Variants in CEP295 observed in about 807,000 individuals in gnomAD.
The protein encoded by CEP295 is centrosomal protein of 295 kDa.
In CEP295, 190 loss-of-function variants were observed where a neutral mutation model predicts 291.6. The ratio of observed to expected loss-of-function variants is 0.65; its 90% confidence interval spans 0.58 to 0.73. CEP295 has a LOEUF of 0.73. Among genes scored for constraint, CEP295 ranks in the 30% least tolerant of loss-of-function variants. The pLI, the probability that CEP295 is intolerant of heterozygous loss-of-function variation, is 0.00. For synonymous variants in CEP295, 993 were observed against 1,038.8 expected, an observed-to-expected ratio of 0.96 and a Z score of 0.85; for missense variants, 2,863 against 2,949.4, an observed-to-expected ratio of 0.97 and a Z score of 0.68.
chr11:93,688,160 G>A (rs1014976608), intron 10 of CEP295, among the ~76,000 whole-genome samples: 3 of 152,104 alleles, frequency 2.0e-5, no homozygotes, highest in Non-Finnish European at 4.4e-5. Flanking sequence ...TTGTGCTACA[G>A]TGGGCATCCT....
chr11:93,692,131 G>T, intron 12 of CEP295, 101 bp downstream of exon 12: 1 of 655,416 alleles, frequency 1.5e-6, no homozygotes, highest in South Asian at 2.0e-5. Flanking sequence ...GGCTAATTTT[G>T]ATATCATGTT....
At chr11:93,663,032 C>A (rs1950056140) in intron 1 of CEP295, among the ~76,000 whole-genome samples, 1 of 152,166 alleles carries the variant, frequency 6.6e-6, no homozygotes, top group Non-Finnish European at 1.5e-5. Flanking sequence ...CCAGTATTTT[C>A]AAAAATGACA....
chr11:93,706,061 C>A (rs1233584206), intron 17 of CEP295, among the ~76,000 whole-genome samples: 2 of 152,090 alleles, frequency 1.3e-5, no homozygotes, highest in African/African-American at 2.4e-5. Flanking sequence ...TCCCCTGGAC[C>A]CCAGAGTGTA....
intron 18 of CEP295, among the ~76,000 whole-genome samples, chr11:93,717,695 A>G (rs1046891336): frequency 1.3e-5 from 2 of 152,042 alleles, no homozygotes; most frequent in African/African-American, 2.4e-5. Flanking sequence ...GACAATATTC[A>G]TGGTTTTGTC....
At chr11:93,668,587 G>T (rs1950292582) in intron 3 of CEP295, among the ~76,000 whole-genome samples, 1 of 151,940 alleles carries the variant, frequency 6.6e-6, no homozygotes, top group Non-Finnish European at 1.5e-5. Context: ...TTATATTTTT[G>T]TAATAATGTT....
chr11:93,721,982 C>T lies in CEP295; in HGVS notation c.5879C>T (p.Ser1960Phe). Residue 1960 changes from serine to phenylalanine, a missense_variant, in exon 20 of 30, where the codon TCT becomes TTT. Coordinates refer to ENST00000325212, the MANE Select transcript of CEP295 (RefSeq NM_033395.2). ...AAAACACTGTCTTATGAACCATTAT[C>T]TTCAGCAACTGTTTCCACTGGGAGC... ...KAKTLSYEPLSSATVSTGSLL... is the reference protein window; with the variant it reads ...KAKTLSYEPLFSATVSTGSLL... 6.3e-7 allele frequency: 1 copy of T among 1,597,986 alleles called. No individual in the cohort carries two copies.
In CEP295 at chr11:93,702,563, A is replaced by G. The variant is rs1200921338; in HGVS notation, c.5378A>G (p.Asn1793Ser). 6.4e-7 allele frequency: 1 copy of G among 1,551,444 alleles called. No individual in the cohort carries two copies. The highest frequency in any genetic ancestry group is 8.7e-7 in the Non-Finnish European group (1 of 1,146,894). The change falls in exon 16 of 30, where the codon AAT becomes AGT. Residue 1793 changes from asparagine (N) to serine (S), a missense_variant. Asn to Ser is a conservative substitution (Grantham distance 46). Around this residue, in one of 3 missense-constraint regions of CEP295, gnomAD observed 2,295 missense variants for 2,335.7 expected, o/e 0.98. Coordinates refer to ENST00000325212, the MANE Select transcript of CEP295 (RefSeq NM_033395.2). ...TQDLAGNDQE[N>S]IRHADRNNSD... is the part of the protein sequence containing the mutation. ...GACCTAGCAGGAAATGATCAAGAAA[A>G]TATTAGGCATGCAGATAGGAACAAC... is the stretch of plus-strand genomic sequence containing the variant.
At chr11:93,685,659 C>T (rs1341875676) in intron 9 of CEP295, among the ~76,000 whole-genome samples, 2 of 152,154 alleles carry the variant, frequency 1.3e-5, no homozygotes, top group African/African-American at 2.4e-5. Context: ...TCATTTCTGT[C>T]CTCTGCAGAA....
intron 27 of CEP295, 31 bp downstream of exon 27, chr11:93,729,812 C>G: frequency 6.5e-7 from 1 of 1,536,360 alleles, no homozygotes; most frequent in South Asian, 1.2e-5. Context: ...CTTCAACCAA[C>G]TCCCTGAAAT....
intron 23 of CEP295, among the ~76,000 whole-genome samples, chr11:93,726,089 TAAGTA>T (rs1391868514): frequency 6.6e-6 from 1 of 152,156 alleles, no homozygotes; most frequent in Non-Finnish European, 1.5e-5. Context: ...GTTAACAGTT[TAAGTA>T]TTATTTTTTT....
intron 5 of CEP295, among the ~76,000 whole-genome samples, chr11:93,672,226 C>A (rs1950486402): frequency 6.6e-6 from 1 of 152,172 alleles, no homozygotes; most frequent in African/African-American, 2.4e-5. Context: ...CTTCAGAGTT[C>A]ATGCTAACTG....
chr11:93,687,201 G>A (rs1951286560), intron 9 of CEP295, among the ~76,000 whole-genome samples: 1 of 152,102 alleles, frequency 6.6e-6, no homozygotes, highest in African/African-American at 2.4e-5. Flanking sequence ...TGGCTATGAT[G>A]TTTTCCTCTG....
At chr11:93,716,135 G>T (rs1263495293) in intron 18 of CEP295, among the ~76,000 whole-genome samples, 9 of 152,114 alleles carry the variant, frequency 5.9e-5, no homozygotes, top group Admixed American at 5.9e-4. Flanking sequence ...ACTAAATTTA[G>T]CCCGTAGTGA....
intron 2 of CEP295, 117 bp from the exon 3 acceptor site, chr11:93,667,490 A>G (rs1950246120): frequency 1.5e-6 from 1 of 688,838 alleles, no homozygotes. Context: ...CAAGATGAGT[A>G]TCAAAGAGAG....
intron 9 of CEP295, among the ~76,000 whole-genome samples, chr11:93,684,405 C>T (rs1014881927): frequency 1.3e-5 from 2 of 152,122 alleles, no homozygotes; most frequent in Non-Finnish European, 2.9e-5. Context: ...AGAAAGGTTG[C>T]ATGGTAAACA....
Position 93,698,308 on chromosome 11 carries a change from G to T in CEP295, c.3396G>T (p.Glu1132Asp). Reference sequence around the variant, plus strand: ...AGGAGCTTTATTTATCTGAGAAGGAGAATGTAGGTCCCTCCTGTCATTTGA... The same window carrying T: ...AGGAGCTTTATTTATCTGAGAAGGATAATGTAGGTCCCTCCTGTCATTTGA... ...RIQELYLSEK[E>D]NVGPSCHLII... The change falls in exon 15 of 30, where the codon GAG (glutamate) becomes GAT (aspartate). Residue 1132 changes from glutamate to aspartate, a missense_variant. Physicochemically the swap from Glu to Asp is conservative, Grantham distance 45 (BLOSUM62 2). Coordinates refer to ENST00000325212, the MANE Select transcript of CEP295 (RefSeq NM_033395.2). 2 of 1,551,926 alleles carry T rather than the reference G, an allele frequency of 1.3e-6. No individual in the cohort carries two copies. Among genetic ancestry groups the T allele is most frequent in the Non-Finnish European group, 8.7e-7 (1 of 1,147,014 alleles).
Position 93,720,589 on chromosome 11 carries a change from T to C in CEP295, c.5750-723T>C, listed in dbSNP as rs115938419. 8.0e-3 allele frequency among the ~76,000 whole-genome samples: 1,215 copies of C among 152,114 alleles called. 22 individuals carry two copies. Among genetic ancestry groups the C allele is most frequent in the East Asian group, 0.054 (278 of 5,184 alleles). On this transcript the variant is annotated intron_variant, in intron 18 of 29. Coordinates refer to ENST00000325212, the MANE Select transcript of CEP295 (RefSeq NM_033395.2). The stretch of plus-strand genomic sequence containing the variant: ...GCTACCATTAATAAACAACCACTGG[T>C]TACATTTTGGTGTGGTTTTTTGAGA...
rs952176259 is a variant in CEP295, at chr11:93,730,265, GCTGA to G, written c.7805_*2del. 4.1e-5 allele frequency: 63 copies of G among 1,547,082 alleles called. No individual in the cohort carries two copies. Among genetic ancestry groups the G allele is most frequent in the Non-Finnish European group, 5.2e-5 (59 of 1,143,642 alleles). On this transcript the variant is annotated frameshift_variant and stop_lost, in exon 30 of 30. Coordinates refer to ENST00000325212, the MANE Select transcript of CEP295 (RefSeq NM_033395.2). LOFTEE classifies it high-confidence loss of function. ...GAGAAACTTCGAGCCAAAAATACAT[GCTGA>G]CTTTCTAGAAATAGTGTAAAGGTTT... is the stretch of plus-strand genomic sequence containing the variant.
chr11:93,682,707 C>T lies in CEP295; in HGVS notation c.766-852C>T, dbSNP rs530942105. Among the ~76,000 whole-genome samples the T allele has an allele frequency of 3.9e-5, 6 of 152,240 alleles. No individual in the cohort carries two copies. In the East Asian group the frequency reaches 1.2e-3, roughly 29 times the overall value. On this transcript the variant is annotated intron_variant, in intron 7 of 29. Transcript: ENST00000325212. ...CTGGGACCTTATTTCCTTCTAGTGT[C>T]TATATTAACTAATATTTGACTTCTA...
Sources: allele counts gnomAD v4.1 joint callset (sites outside exome capture counted in the v4.1 genomes callset), GRCh38; gene constraint gnomAD v4.1.1; regional missense constraint gnomAD v4.1.1; transcripts MANE v1.5; gene names NCBI Gene and HGNC (gene_info 2026-07-23, HGNC 2026-07-21).